The following DENND5B variants were observed in gnomAD, a reference collection of about 807,000 sequenced individuals.
The protein encoded by DENND5B is DENN domain containing 5B.
DENND5B carries 34 observed loss-of-function variants against 140.6 expected under a neutral mutation model. That is an observed-to-expected ratio of 0.24 (90% CI 0.18 to 0.32). The LOEUF (loss-of-function observed/expected upper bound fraction) is 0.32. DENND5B is among the 10% of genes least tolerant of loss of function. The pLI, the probability that DENND5B is intolerant of heterozygous loss-of-function variation, is 1.00. For missense variants in DENND5B, 1,142 were observed against 1,560.2 expected (o/e 0.73, Z 4.52); for synonymous variants, 551 against 562.1 (o/e 0.98, Z 0.28).
At chr12:31,467,724 CAAGT>C (rs939302099) in intron 3 of DENND5B, among the ~76,000 whole-genome samples, 4 of 152,050 alleles carry the variant, frequency 2.6e-5, no homozygotes, top group Non-Finnish European at 4.4e-5. Flanking sequence ...ACAATCATAA[CAAGT>C]AAGCCACAAT....
At chr12:31,456,744 G>C (rs1251175203) in intron 4 of DENND5B, among the ~76,000 whole-genome samples, 1 of 152,192 alleles carries the variant, frequency 6.6e-6, no homozygotes, top group African/African-American at 2.4e-5. Context: ...CTCAGTGTCT[G>C]AAGTTAAGCC....
chr12:31,467,881 T>A (rs1310421278), intron 3 of DENND5B, among the ~76,000 whole-genome samples: 1 of 151,760 alleles, frequency 6.6e-6, no homozygotes, highest in Non-Finnish European at 1.5e-5. Flanking sequence ...GAGAAAAAAA[T>A]TTAAATCAAT....
chr12:31,573,846 C>A (rs1475576435), intron 1 of DENND5B, among the ~76,000 whole-genome samples: 1 of 152,018 alleles, frequency 6.6e-6, no homozygotes, highest in East Asian at 1.9e-4. Flanking sequence ...CCCAGCTATC[C>A]CAGGAGGCTG....
chr12:31,541,041 T>TA (rs34225458), intron 1 of DENND5B: 257,515 of 383,624 alleles, frequency 0.67, 77,706 homozygotes, highest in African/African-American at 0.86. Flanking sequence ...TCTTACCATA[T>TA]AAAAAAAAAA....
intron 1 of DENND5B, among the ~76,000 whole-genome samples, chr12:31,559,853 C>T (rs372165497): frequency 5.3e-5 from 8 of 151,942 alleles, no homozygotes; most frequent in African/African-American, 1.4e-4. Context: ...AATTTTACAA[C>T]GGAAGGAAAA....
At position 31,480,137 on chromosome 12, in the gene DENND5B, A is replaced by G. The variant is rs1472663121; in HGVS notation, c.356T>C (p.Phe119Ser). The change falls in exon 3 of 21, where the codon TTT (phenylalanine) becomes TCT (serine). Residue 119 changes from phenylalanine to serine, a missense_variant. By Grantham distance (155) the Phe-to-Ser change is radical. Around this residue, in one of 5 missense-constraint regions of DENND5B, gnomAD observed 708 missense variants for 905.5 expected, o/e 0.78. Coordinates refer to ENST00000389082, the MANE Select transcript of DENND5B (RefSeq NM_144973.4). ...GSRTYGFVLT[F>S]YEEVTSKQIC... ...TTGCTTACTTGTAACTTCTTCATAA[A>G]AAGTGAGAACAAAACCATAGGTGCG... The G allele has an allele frequency of 6.2e-7, 1 of 1,611,536 alleles. No individual in the cohort carries two copies. Among genetic ancestry groups the G allele is most frequent in the Non-Finnish European group, 8.5e-7 (1 of 1,178,668 alleles).
At chr12:31,586,801 G>A (rs1210163124) in intron 1 of DENND5B, among the ~76,000 whole-genome samples, 1 of 152,172 alleles carries the variant, frequency 6.6e-6, no homozygotes, top group East Asian at 1.9e-4. Flanking sequence ...TAGAGGCACG[G>A]TGACAACTTG....
intron 3 of DENND5B, among the ~76,000 whole-genome samples, chr12:31,472,136 CG>C (rs1231583226): frequency 2.0e-5 from 3 of 152,146 alleles, no homozygotes; most frequent in Non-Finnish European, 4.4e-5. Context: ...TCTAACATTA[CG>C]AGAAGCCTTA....
At chr12:31,579,204 G>A (rs1293928397) in intron 1 of DENND5B, among the ~76,000 whole-genome samples, 1 of 152,220 alleles carries the variant, frequency 6.6e-6, no homozygotes, top group African/African-American at 2.4e-5. Context: ...TAAAGTCATA[G>A]ATTCTTGGAA....
At chr12:31,423,918 G>A (rs1419509904) in intron 10 of DENND5B, among the ~76,000 whole-genome samples, 2 of 152,188 alleles carry the variant, frequency 1.3e-5, no homozygotes, top group Admixed American at 6.5e-5. Flanking sequence ...AGCATGGCAG[G>A]CAGAAGATTT....
intron 1 of DENND5B, among the ~76,000 whole-genome samples, chr12:31,581,814 T>G (rs1398698803): frequency 2.0e-5 from 3 of 152,146 alleles, no homozygotes; most frequent in African/African-American, 7.2e-5. Flanking sequence ...GGTATAGTTA[T>G]CCCTCAGTAT....
chr12:31,575,386 A>G (rs1005413425), intron 1 of DENND5B, among the ~76,000 whole-genome samples: 2 of 152,238 alleles, frequency 1.3e-5, no homozygotes, highest in African/African-American at 4.8e-5. Context: ...GGAGGACTAC[A>G]TCAGGGAATT....
In DENND5B at chr12:31,413,528, A is replaced by T. The variant is rs1448583347; in HGVS notation, c.2589T>A (p.Val863=). The part of the protein sequence containing the change: ...IQNMSEIKTD[V]GRARAWIRLS... ...GTCTTATCCACGCCCGAGCTCGTCCAACATCAGTCTTGATCTCACTCATGT... is the reference window on the plus strand; with the variant it reads ...GTCTTATCCACGCCCGAGCTCGTCCTACATCAGTCTTGATCTCACTCATGT... Residue 863 remains valine (V), a synonymous_variant, in exon 13 of 21, where the codon GTT becomes GTA. Transcript: ENST00000389082. 1 of 1,613,902 alleles carries T rather than the reference A, an allele frequency of 6.2e-7. No individual in the cohort carries two copies.
chr12:31,571,846 T>A (rs1949833855), intron 1 of DENND5B, among the ~76,000 whole-genome samples: 1 of 152,304 alleles, frequency 6.6e-6, no homozygotes, highest in South Asian at 2.1e-4. Flanking sequence ...TGACCTCAGG[T>A]GATCTGCCCG....
At chr12:31,496,210 A>G (rs1946755931) in intron 1 of DENND5B, among the ~76,000 whole-genome samples, 1 of 152,256 alleles carries the variant, frequency 6.6e-6, no homozygotes, top group Non-Finnish European at 1.5e-5. Flanking sequence ...TCCACATTTC[A>G]GTGTGTGGTA....
intron 1 of DENND5B, among the ~76,000 whole-genome samples, chr12:31,517,006 A>G (rs1947682079): frequency 8.1e-6 from 1 of 124,160 alleles, no homozygotes; most frequent in Non-Finnish European, 1.7e-5. Flanking sequence ...CACTGTGTGT[A>G]GATACCTTCC....
At chr12:31,451,899 G>T in intron 5 of DENND5B, 41 bp downstream of exon 5, 1 of 1,598,254 alleles carries the variant, frequency 6.3e-7, no homozygotes, top group Non-Finnish European at 8.5e-7. Context: ...CAATAATAAA[G>T]CCACTAATAA....
chr12:31,522,182 C>T (rs533653050), intron 1 of DENND5B, among the ~76,000 whole-genome samples: 13 of 152,340 alleles, frequency 8.5e-5, no homozygotes, highest in Admixed American at 3.9e-4. Flanking sequence ...ATTTCCCCAT[C>T]TCCCACTAGG....
intron 3 of DENND5B, among the ~76,000 whole-genome samples, chr12:31,469,100 C>T (rs140054245): frequency 4.6e-5 from 7 of 151,884 alleles, no homozygotes; most frequent in Non-Finnish European, 7.4e-5. Flanking sequence ...CTTGGGAGGC[C>T]GAGGCAGGTG....
Sources: allele counts gnomAD v4.1 joint callset (sites outside exome capture counted in the v4.1 genomes callset), GRCh38; gene constraint gnomAD v4.1.1; regional missense constraint gnomAD v4.1.1; transcripts MANE v1.5; gene names NCBI Gene and HGNC (gene_info 2026-07-23, HGNC 2026-07-21).